The following NDUFS1 variants were observed in gnomAD, a reference collection of about 807,000 sequenced individuals.
NDUFS1 encodes the protein NADH-ubiquinone oxidoreductase 75 kDa subunit, mitochondrial.
NDUFS1 carries 61 observed loss-of-function variants against 84.4 expected under a neutral mutation model. The observed-to-expected ratio is 0.72, with a 90% CI of 0.59 to 0.89. The LOEUF (loss-of-function observed/expected upper bound fraction) is 0.89, where lower values mean the gene tolerates loss of function less well. Ranked by LOEUF, NDUFS1 falls within the 40% of genes least tolerant of loss-of-function variation. The pLI, the probability that NDUFS1 is intolerant of heterozygous loss-of-function variation, is 0.00. For synonymous variants in NDUFS1, 275 were observed against 290.0 expected, an observed-to-expected ratio of 0.95 and a Z score of 0.53; for missense variants, 891 against 890.0, an observed-to-expected ratio of 1.00 and a Z score of -0.01.
chr2:206,126,890 T>TA, intron 16 of NDUFS1, 46 bp from the exon 17 acceptor site: 1 of 1,607,162 alleles, frequency 6.2e-7, no homozygotes, highest in South Asian at 1.1e-5. Flanking sequence ...CTTTAATACT[T>TA]AAAAATATCA....
At chr2:206,152,695 T>TTCTTCTTC (rs1048076925) in intron 2 of NDUFS1, among the ~76,000 whole-genome samples, 185 bp from the exon 3 acceptor site, 2 of 145,348 alleles carry the variant, frequency 1.4e-5, no homozygotes, top group Non-Finnish European at 3.0e-5. Flanking sequence ...TGAAACTTCT[T>TTCTTCTTC]TCTTCTTCTT....
rs2105933986 is a variant in NDUFS1, at chr2:206,118,005, G to A, written c.*6180C>T. 6.6e-6 allele frequency: 1 copy of A among 152,198 alleles called. No homozygotes were observed. Among genetic ancestry groups the A allele is most frequent in the East Asian group, 1.9e-4 (1 of 5,190 alleles). 9.4% of individuals were successfully genotyped at this position (152,198 alleles called of 1,614,324 possible). ...CATATATTTGCCATTTCCAACATAT[G>A]CTTTTAGTCCAGTCTAATCACCAGT... On this transcript the variant is annotated 3_prime_UTR_variant, in exon 19 of 19. Transcript: ENST00000233190.
rs376421888 is a variant in NDUFS1, at chr2:206,138,465, T to C, written c.1392+20A>G. 4 of 1,609,164 alleles carry C rather than the reference T, an allele frequency of 2.5e-6. No individual in the cohort carries two copies. The African/African-American group carries it at 5.3e-5, about 22-fold the overall frequency. ...ATAATTAAAAATCAACAAGAGTAGA[T>C]ACACATAAGTTGAGAGCACCTGGCT... On this transcript the variant is annotated intron_variant, in intron 13 of 18. Coordinates refer to ENST00000233190, the MANE Select transcript of NDUFS1 (RefSeq NM_005006.7).
chr2:206,124,544 A>G (rs1691208780), intron 18 of NDUFS1, among the ~76,000 whole-genome samples: 1 of 152,152 alleles, frequency 6.6e-6, no homozygotes, highest in Non-Finnish European at 1.5e-5. Context: ...GAAAAGTATT[A>G]AAAACATAGG....
At position 206,124,168 on chromosome 2, in the gene NDUFS1, G is replaced by A; in HGVS notation, c.*17C>T. On this transcript the variant is annotated 3_prime_UTR_variant, in exon 19 of 19. Coordinates refer to ENST00000233190, the MANE Select transcript of NDUFS1 (RefSeq NM_005006.7). ...CCATTAATTATCTGCGGCAAAACTGGGATCCTAGTAGAAGCTTCAGCATAT... is the reference window on the plus strand; with the variant it reads ...CCATTAATTATCTGCGGCAAAACTGAGATCCTAGTAGAAGCTTCAGCATAT... 2.6e-6 allele frequency: 4 copies of A among 1,550,168 alleles called. No individual in the cohort carries two copies. The highest frequency in any genetic ancestry group is 3.6e-6 in the Non-Finnish European group (4 of 1,121,974).
chr2:206,159,238 G>A lies in NDUFS1; in HGVS notation c.-5+103C>T, dbSNP rs188574119. Reference sequence around the variant, plus strand: ...GGGGCGGGAGGCGGCGCCCAGTCAAGGACAACAGAAGACTACGTCGCGTGG... The same window carrying A: ...GGGGCGGGAGGCGGCGCCCAGTCAAAGACAACAGAAGACTACGTCGCGTGG... On this transcript the variant is annotated intron_variant, in intron 1 of 18. Coordinates refer to ENST00000233190, the MANE Select transcript of NDUFS1 (RefSeq NM_005006.7). The A allele has an allele frequency of 3.3e-4, 383 of 1,174,696 alleles. No homozygotes were observed. The African/African-American group carries it at 4.9e-3, about 15-fold the overall frequency. 72.8% of individuals were successfully genotyped at this position (1,174,696 alleles called of 1,614,324 possible). A position where few individuals can be genotyped will look rare whatever the true frequency, so the allele number is the denominator to read the frequency against.
At position 206,120,717 on chromosome 2, in the gene NDUFS1, T is replaced by C. The variant is rs1298297383; in HGVS notation, c.*3468A>G. 3.9e-5 allele frequency: 6 copies of C among 152,138 alleles called. No individual in the cohort carries two copies. The highest frequency in any genetic ancestry group is 2.9e-5 in the Non-Finnish European group (2 of 68,044). The allele number at this position is 152,138 out of a possible 1,614,324, so 9.4% of individuals were successfully genotyped here. ...AAAGAAATAACTTAAAGTTGGAACA[T>C]ATTTAAAAGGGAAGCAGAGCGTAGA... On this transcript the variant is annotated 3_prime_UTR_variant, in exon 19 of 19. Transcript: ENST00000233190.
intron 14 of NDUFS1, 113 bp downstream of exon 14, chr2:206,132,832 G>C: frequency 1.1e-6 from 1 of 920,176 alleles, no homozygotes; most frequent in Non-Finnish European, 1.7e-6. Flanking sequence ...TGTGTAACTG[G>C]GATAATGTTG....
At chr2:206,130,382 T>C in intron 14 of NDUFS1, 140 bp from the exon 15 acceptor site, 3 of 1,111,970 alleles carry the variant, frequency 2.7e-6, no homozygotes, top group Non-Finnish European at 3.8e-6. Context: ...GGCGATAGAG[T>C]CTCACTTTGT....
In NDUFS1 at chr2:206,146,929, G is replaced by C. The variant is rs764345466; in HGVS notation, c.711C>G (p.Ala237=). 4 of 1,614,076 alleles carry C rather than the reference G, an allele frequency of 2.5e-6. No individual in the cohort carries two copies. Among genetic ancestry groups the C allele is most frequent in the Non-Finnish European group, 3.4e-6 (4 of 1,179,988 alleles). ...PVGALTSKPY[A]FTARPWETRK... is the part of the protein sequence containing the mutation. Reference sequence around the variant, plus strand: ...TTGTTTCCCAAGGCCGGGCAGTAAAGGCATAGGGCTTAGAGGTTAGGGCAC... The same window carrying C: ...TTGTTTCCCAAGGCCGGGCAGTAAACGCATAGGGCTTAGAGGTTAGGGCAC... The change falls in exon 8 of 19, where the codon GCC becomes GCG. Residue 237 remains alanine (A), a synonymous_variant. Transcript: ENST00000233190.
chr2:206,153,555 G>C, intron 2 of NDUFS1, 63 bp downstream of exon 2: 1 of 979,410 alleles, frequency 1.0e-6, no homozygotes, highest in Admixed American at 1.8e-5. Context: ...CTATGCCATA[G>C]ACTTATAAAT....
chr2:206,120,740 A>G lies in NDUFS1; in HGVS notation c.*3445T>C, dbSNP rs1691072482. The G allele has an allele frequency of 6.6e-6, 1 of 152,362 alleles. No individual in the cohort carries two copies. The highest frequency in any genetic ancestry group is 2.1e-4 in the South Asian group (1 of 4,832). The allele number at this position is 152,362 out of a possible 1,614,324, so 9.4% of individuals were successfully genotyped here. Reference sequence around the variant, plus strand: ...CATATTTAAAAGGGAAGCAGAGCGTAGAAGTTTGGAAAATTCACAGACTAG... The same window carrying G: ...CATATTTAAAAGGGAAGCAGAGCGTGGAAGTTTGGAAAATTCACAGACTAG... On this transcript the variant is annotated 3_prime_UTR_variant, in exon 19 of 19. Coordinates refer to ENST00000233190, the MANE Select transcript of NDUFS1 (RefSeq NM_005006.7).
chr2:206,128,045 TA>T, intron 15 of NDUFS1, 73 bp from the exon 16 acceptor site: 1 of 1,468,106 alleles, frequency 6.8e-7, no homozygotes, highest in African/African-American at 1.4e-5. Flanking sequence ...GAAGATAGTA[TA>T]TATCATTTTA....
chr2:206,126,945 G>A (rs1440266013), intron 16 of NDUFS1, 101 bp from the exon 17 acceptor site: 1 of 1,433,394 alleles, frequency 7.0e-7, no homozygotes, highest in African/African-American at 1.4e-5. Flanking sequence ...CAGCACTACT[G>A]AAAAACCTAT....
At chr2:206,134,600 G>A (rs1455960689) in intron 13 of NDUFS1, among the ~76,000 whole-genome samples, 3 of 151,672 alleles carry the variant, frequency 2.0e-5, no homozygotes, top group Admixed American at 1.3e-4. Flanking sequence ...AAAAAAGACA[G>A]AAAAGAAAGA....
intron 13 of NDUFS1, among the ~76,000 whole-genome samples, chr2:206,138,176 C>T (rs570961232): frequency 1.2e-4 from 19 of 152,176 alleles, no homozygotes; most frequent in Middle Eastern, 3.4e-3. Context: ...CTGCAACCTC[C>T]GCCTCCTGGG....
chr2:206,124,753 C>CA (rs1321995063), intron 18 of NDUFS1, among the ~76,000 whole-genome samples: 1 of 151,886 alleles, frequency 6.6e-6, no homozygotes, highest in Non-Finnish European at 1.5e-5. Flanking sequence ...GCAGGAGAAT[C>CA]GTGTGAACCT....
At chr2:206,150,512 C>T (rs1030014058) in intron 3 of NDUFS1, among the ~76,000 whole-genome samples, 4 of 152,182 alleles carry the variant, frequency 2.6e-5, no homozygotes, top group Non-Finnish European at 5.9e-5. Context: ...GAGTTAGTTC[C>T]TCATCCTCAG....
intron 13 of NDUFS1, 63 bp from the exon 14 acceptor site, chr2:206,133,168 T>G (rs776554337): frequency 2.2e-6 from 3 of 1,359,256 alleles, no homozygotes; most frequent in Non-Finnish European, 3.0e-6. Context: ...CACCAAACCA[T>G]ATTTGCCTCT....
Sources: allele counts gnomAD v4.1 joint callset (sites outside exome capture counted in the v4.1 genomes callset), GRCh38; gene constraint gnomAD v4.1.1; transcripts MANE v1.5; gene names NCBI Gene and HGNC (gene_info 2026-07-23, HGNC 2026-07-21).